The following MUC5B variants were observed in gnomAD, a reference collection of about 807,000 sequenced individuals.
MUC5B encodes the protein mucin-5B.
MUC5B carries 116 observed loss-of-function variants against 376.9 expected under a neutral mutation model. The ratio of observed to expected loss-of-function variants is 0.31; its 90% confidence interval spans 0.26 to 0.36. The LOEUF (loss-of-function observed/expected upper bound fraction) is 0.36. Ranked by LOEUF, MUC5B falls within the 10% of genes least tolerant of loss-of-function variation. MUC5B has a pLI of 1.00. For missense variants in MUC5B, 7,165 were observed against 7,769.9 expected (o/e 0.92, Z 2.93); for synonymous variants, 3,517 against 3,390.9 (o/e 1.04, Z -1.29).
intron 3 of MUC5B, 104 bp from the exon 4 acceptor site, chr11:1,226,511 G>T: frequency 1.4e-6 from 2 of 1,453,554 alleles, no homozygotes; most frequent in South Asian, 2.6e-5. Flanking sequence ...GCCAGCAGCC[G>T]ACCATGGGCT....
chr11:1,254,467 C>A, intron 34 of MUC5B, 116 bp downstream of exon 34: 3 of 1,435,640 alleles, frequency 2.1e-6, no homozygotes, highest in Non-Finnish European at 9.3e-7. Context: ...CCCAAGACAG[C>A]TCCCAGGGGG....
At chr11:1,240,488 C>A in intron 30 of MUC5B, 113 bp downstream of exon 30, 1 of 1,019,924 alleles carries the variant, frequency 9.8e-7, no homozygotes, top group Non-Finnish European at 1.4e-6. Flanking sequence ...ATCCACTGAC[C>A]TTCCGGGCTC....
At chr11:1,251,885 A>G (rs1424421820) in intron 31 of MUC5B, 142 bp downstream of exon 31, 3 of 669,990 alleles carry the variant, frequency 4.5e-6, no homozygotes, top group Non-Finnish European at 7.5e-6. Context: ...TCCCGGCCAC[A>G]CTGGGTCCCC....
In MUC5B at chr11:1,235,183, G is replaced by A. The variant is rs757197892; in HGVS notation, c.2729G>A (p.Arg910His). The A allele has an allele frequency of 1.2e-5, 19 of 1,612,950 alleles. No homozygotes were observed. The African/African-American group carries it at 1.3e-4, about 11-fold the overall frequency. ...DGHFITFDGD[R>H]YSFEGSCEYI... ...CACTTCATCACCTTTGATGGCGATC[G>A]CTACAGCTTTGAAGGCAGCTGCGAG... The change falls in exon 22 of 49, where the codon CGC becomes CAC. Residue 910 changes from arginine (R) to histidine (H), a missense_variant. Arg to His is a conservative substitution (Grantham distance 29). Coordinates refer to ENST00000529681, the MANE Select transcript of MUC5B (RefSeq NM_002458.3).
At chr11:1,229,534 T>C (rs938695665) in intron 9 of MUC5B, among the ~76,000 whole-genome samples, 156 bp from the exon 10 acceptor site, 2 of 152,096 alleles carry the variant, frequency 1.3e-5, no homozygotes, top group Non-Finnish European at 2.9e-5. Flanking sequence ...CCAGAGGTGC[T>C]TGGTGTTCAT....
In MUC5B at chr11:1,232,493, C is replaced by T. The variant is rs375586412; in HGVS notation, c.1887C>T (p.Asn629=). The change falls in exon 16 of 49, where the codon AAC becomes AAT. Residue 629 remains asparagine, a synonymous_variant. Transcript: ENST00000529681. ...GGTGCTCGCGCCTGACCGATCCCAA[C>T]AGTGCCTTCTCGCGCTGCCACTCCA... ...RHWCSRLTDP[N]SAFSRCHSII... is the part of the protein sequence containing the mutation. 6.2e-7 allele frequency: 1 copy of T among 1,611,116 alleles called. No homozygotes were observed. The highest frequency in any genetic ancestry group is 8.5e-7 in the Non-Finnish European group (1 of 1,179,232).
At chr11:1,235,990 G>A (rs1024774480) in intron 23 of MUC5B, among the ~76,000 whole-genome samples, 7 of 152,236 alleles carry the variant, frequency 4.6e-5, no homozygotes, top group African/African-American at 7.2e-5. Context: ...GGGGGCCAGA[G>A]CTCCCAGGGG....
intron 11 of MUC5B, 141 bp from the exon 12 acceptor site, chr11:1,230,349 G>A: frequency 1.9e-6 from 2 of 1,077,820 alleles, no homozygotes; most frequent in Non-Finnish European, 2.6e-6. Flanking sequence ...CCTGAGACAA[G>A]CTGCTGGGAG....
Position 1,226,564 on chromosome 11 carries a change from A to C in MUC5B, c.200-51A>C, listed in dbSNP as rs2133804549. On this transcript the variant is annotated intron_variant, in intron 3 of 48. Coordinates refer to ENST00000529681, the MANE Select transcript of MUC5B (RefSeq NM_002458.3). ...AGGGTGCCTCGGCCCAGGGGAGGCT[A>C]CCCCGTGGGGGGCTGGCATGGGGAT... 3.8e-6 allele frequency: 6 copies of C among 1,566,374 alleles called. No homozygotes were observed. The East Asian group carries it at 9.5e-5, about 25-fold the overall frequency.
chr11:1,246,421 G>T lies in MUC5B; in HGVS notation c.9541G>T (p.Ala3181Ser), dbSNP rs1862470394. The change falls in exon 31 of 49, where the codon GCC (alanine) becomes TCC (serine). Residue 3181 changes from alanine (A) to serine (S), a missense_variant. Ala to Ser is a moderately conservative substitution (Grantham distance 99, BLOSUM62 1). Transcript: ENST00000529681. The stretch of plus-strand genomic sequence containing the variant: ...CGTGACGGTGCCCACCGGATCCACG[G>T]CCACCGCCTCCTCCACCCGGGCAAC... ...ATVTVPTGSTATASSTRATAG... is the reference protein window; with the variant it reads ...ATVTVPTGSTSTASSTRATAG... 1 of 1,612,964 alleles carries T rather than the reference G, an allele frequency of 6.2e-7. No homozygotes were observed.
intron 7 of MUC5B, 48 bp from the exon 8 acceptor site, chr11:1,228,516 C>T (rs1055169040): frequency 3.2e-5 from 46 of 1,454,630 alleles, no homozygotes; most frequent in Non-Finnish European, 3.8e-5. Context: ...ACCGTGGCAG[C>T]CCCCATGGAT....
At position 1,244,652 on chromosome 11, in the gene MUC5B, G is replaced by A. The variant is rs766803257; in HGVS notation, c.7772G>A (p.Gly2591Asp). Reference protein sequence around the residue: ...TTTATTTGATGSVATPSSTPG... With the variant: ...TTTATTTGATDSVATPSSTPG... ...ACGGCCACCACAACCGGGGCCACCG[G>A]CTCTGTGGCCACCCCCTCCTCCACC... is the stretch of plus-strand genomic sequence containing the variant. The change falls in exon 31 of 49, where the codon GGC becomes GAC. Residue 2591 changes from glycine (G) to aspartate (D), a missense_variant. Transcript: ENST00000529681. 1.5e-5 allele frequency: 24 copies of A among 1,613,080 alleles called. No homozygotes were observed. The Admixed American group carries it at 3.8e-4, about 26-fold the overall frequency.
chr11:1,247,353 T>G lies in MUC5B; in HGVS notation c.10473T>G (p.Thr3491=). 6.2e-7 allele frequency: 1 copy of G among 1,609,338 alleles called. No individual in the cohort carries two copies. The highest frequency in any genetic ancestry group is 8.5e-7 in the Non-Finnish European group (1 of 1,179,020). Reference sequence around the variant, plus strand: ...ACATCACAGAGCCTTCCACGGTGACTTCCCACACCCCAGCAGCAACCACCA... The same window carrying G: ...ACATCACAGAGCCTTCCACGGTGACGTCCCACACCCCAGCAGCAACCACCA... ...TTHITEPSTV[T]SHTPAATTST... Residue 3491 remains threonine, a synonymous_variant, in exon 31 of 49, where the codon ACT becomes ACG. Transcript: ENST00000529681.
At chr11:1,230,830 G>A (rs937936291) in intron 12 of MUC5B, 106 bp from the exon 13 acceptor site, 117 of 1,340,272 alleles carry the variant, frequency 8.7e-5, no homozygotes, top group Middle Eastern at 1.9e-4. Flanking sequence ...GAGCTTCTCT[G>A]TGGGCTCTGT....
In MUC5B at chr11:1,243,663, C is replaced by G; in HGVS notation, c.6783C>G (p.Thr2261=). The G allele has an allele frequency of 1.2e-6, 2 of 1,611,442 alleles. No homozygotes were observed. The highest frequency in any genetic ancestry group is 1.3e-5 in the African/African-American group (1 of 74,836). ...CCAGCCCTCACCCTAGCAGCAGAAC[C>G]ACCGAGTCACCCCCTTCTCCAGGGA... is the stretch of plus-strand genomic sequence containing the variant. ...ALSSPHPSSR[T]TESPPSPGTT... The change falls in exon 31 of 49, where the codon ACC becomes ACG. Residue 2261 remains threonine, a synonymous_variant. Coordinates refer to ENST00000529681, the MANE Select transcript of MUC5B (RefSeq NM_002458.3).
In MUC5B at chr11:1,230,709, C is replaced by T. The variant is rs570247307; in HGVS notation, c.1470+109C>T. 3.9e-6 allele frequency: 4 copies of T among 1,035,544 alleles called. No individual in the cohort carries two copies. The South Asian group carries it at 6.2e-5, about 16-fold the overall frequency. The allele number at this position is 1,035,544 out of a possible 1,614,324, so 64.1% of individuals were successfully genotyped here. On this transcript the variant is annotated intron_variant, in intron 12 of 48. Coordinates refer to ENST00000529681, the MANE Select transcript of MUC5B (RefSeq NM_002458.3). ...CCAGCCCCGAGGCCAGGTCCCCCCT[C>T]CAGCCCCCAGGCCAGGTCCCCCTCC...
At chr11:1,224,243 T>C (rs952234636) in intron 1 of MUC5B, among the ~76,000 whole-genome samples, 8 of 152,260 alleles carry the variant, frequency 5.3e-5, no homozygotes, top group Admixed American at 4.6e-4. Context: ...ATCAAGCCCT[T>C]GGCAGGGACT....
At chr11:1,233,330 C>G (rs754127435) in intron 18 of MUC5B, 62 bp downstream of exon 18, 31 of 1,448,106 alleles carry the variant, frequency 2.1e-5, no homozygotes, top group Non-Finnish European at 2.5e-5. Context: ...CCCGCCCTCC[C>G]CGAAGGCTTC....
rs201591679 is a variant in MUC5B, at chr11:1,254,242, C to T, written c.15368C>T (p.Ala5123Val). ...TACCTGGACAACCACTACTGCACGG[C>T]CTCTGCCACTGCCGCTGCCGCCCGC... ...SLYLDNHYCT[A>V]SATAAAARCP... The change falls in exon 34 of 49, where the codon GCC becomes GTC. Residue 5123 changes from alanine to valine, a missense_variant. This residue lies in a region of MUC5B where 842 missense variants were observed against 1,016.9 expected (regional missense o/e 0.83). Transcript: ENST00000529681. 1.8e-3 allele frequency: 2,851 copies of T among 1,612,596 alleles called. 6 individuals are homozygous for T. Among genetic ancestry groups the T allele is most frequent in the Non-Finnish European group, 2.0e-3 (2,361 of 1,179,882 alleles).
Sources: allele counts gnomAD v4.1 joint callset (sites outside exome capture counted in the v4.1 genomes callset), GRCh38; gene constraint gnomAD v4.1.1; regional missense constraint gnomAD v4.1.1; transcripts MANE v1.5; gene names NCBI Gene and HGNC (gene_info 2026-07-23, HGNC 2026-07-21).